The following CCDC69 variants were observed in gnomAD, a reference collection of about 807,000 sequenced individuals.
CCDC69 encodes the protein coiled-coil domain containing 69.
A neutral mutation model predicts 40.3 loss-of-function variants in CCDC69; 38 were observed. The ratio of observed to expected loss-of-function variants is 0.94; its 90% CI spans 0.73 to 1.24. The LOEUF (loss-of-function observed/expected upper bound fraction) is 1.24, where lower values mean the gene tolerates loss of function less well. Among genes scored for constraint, CCDC69 ranks in the 50% most tolerant of loss-of-function variants. CCDC69 has a pLI of 0.00. For missense variants in CCDC69, 389 were observed against 357.9 expected, an observed-to-expected ratio of 1.09 and a Z score of -0.70; for synonymous variants, 141 against 138.9, an observed-to-expected ratio of 1.02 and a Z score of -0.11.
At chr5:151,211,292 A>G (rs1311989630) in intron 1 of CCDC69, 1 of 152,278 alleles carries the variant, frequency 6.6e-6, no homozygotes. Flanking sequence ...GAGTATCTAC[A>G]TCTGGTTAGC....
Position 151,224,075 on chromosome 5 carries a change from C to G in CCDC69, c.-105G>C, listed in dbSNP as rs61739650. ...CTCCGCGCCCGCCGGCTGGGGCTGC[C>G]GGCGAGACCCTGAAACTGAACCTGG... On this transcript the variant is annotated 5_prime_UTR_variant, in exon 1 of 9. Transcript: ENST00000355417. The G allele has an allele frequency of 1.2e-5, 12 of 1,016,322 alleles. No individual in the cohort carries two copies. Among genetic ancestry groups the G allele is most frequent in the East Asian group, 3.1e-5 (1 of 32,076 alleles). The allele number at this position is 1,016,322 out of a possible 1,614,324, so 63.0% of individuals were successfully genotyped here. A position where few individuals can be genotyped will look rare whatever the true frequency, so the allele number is the denominator to read the frequency against.
chr5:151,198,831 A>C (rs1294736377), intron 4 of CCDC69, 166 bp downstream of exon 4: 4 of 559,228 alleles, frequency 7.2e-6, no homozygotes, highest in Non-Finnish European at 1.3e-5. Context: ...CCCAAAGGAA[A>C]AGTCCATCAA....
intron 1 of CCDC69, among the ~76,000 whole-genome samples, chr5:151,211,838 T>C (rs1428007893): frequency 1.3e-5 from 2 of 152,194 alleles, no homozygotes; most frequent in South Asian, 2.1e-4. Context: ...TCTCCATCTT[T>C]AGCAGTCTAG....
At position 151,182,223 on chromosome 5, in the gene CCDC69, T is replaced by G. The variant is rs1258805585; in HGVS notation, c.*1214A>C. The G allele has an allele frequency of 6.6e-6, 1 of 152,222 alleles. No homozygotes were observed. Among genetic ancestry groups the G allele is most frequent in the African/African-American group, 2.4e-5 (1 of 41,442 alleles). 9.4% of individuals were successfully genotyped at this position (152,222 alleles called of 1,614,324 possible). Reference sequence around the variant, plus strand: ...TATGGAAAGCCTTTGATGCAAATGCTCTATGCAGAACAGGAGTTATAATTA... The same window carrying G: ...TATGGAAAGCCTTTGATGCAAATGCGCTATGCAGAACAGGAGTTATAATTA... On this transcript the variant is annotated 3_prime_UTR_variant, in exon 9 of 9. Transcript: ENST00000355417.
At chr5:151,197,138 G>T (rs1251954131) in intron 4 of CCDC69, among the ~76,000 whole-genome samples, 1 of 152,222 alleles carries the variant, frequency 6.6e-6, no homozygotes, top group African/African-American at 2.4e-5. Flanking sequence ...GATCATGTGG[G>T]TTATACAATC....
At chr5:151,187,495 C>G in intron 4 of CCDC69, 36 bp from the exon 5 acceptor site, 1 of 1,553,232 alleles carries the variant, frequency 6.4e-7, no homozygotes, top group Non-Finnish European at 8.8e-7. Context: ...GCTCAAGACA[C>G]TTCTCCCCAA....
chr5:151,194,799 A>G (rs1752671567), intron 4 of CCDC69, among the ~76,000 whole-genome samples: 1 of 151,578 alleles, frequency 6.6e-6, no homozygotes, highest in African/African-American at 2.4e-5. Context: ...AGGCTCAGGC[A>G]AAGAATTGCT....
At chr5:151,196,845 C>G (rs533254680) in intron 4 of CCDC69, among the ~76,000 whole-genome samples, 2 of 152,174 alleles carry the variant, frequency 1.3e-5, no homozygotes, top group South Asian at 2.1e-4. Flanking sequence ...ACAGAATGAT[C>G]GTATGACCCA....
chr5:151,220,840 G>C (rs1451833947), intron 1 of CCDC69, among the ~76,000 whole-genome samples: 9 of 151,916 alleles, frequency 5.9e-5, no homozygotes, highest in African/African-American at 2.2e-4. Flanking sequence ...CTGGTAACCT[G>C]TTGGGGATAG....
intron 1 of CCDC69, among the ~76,000 whole-genome samples, chr5:151,219,054 G>C (rs1230619699): frequency 6.6e-6 from 1 of 152,226 alleles, no homozygotes; most frequent in East Asian, 1.9e-4. Flanking sequence ...TAGCTAGGAA[G>C]ATTGGTGGGC....
intron 5 of CCDC69, 123 bp downstream of exon 5, chr5:151,187,263 T>A: frequency 1.3e-6 from 1 of 747,684 alleles, no homozygotes; most frequent in Non-Finnish European, 2.3e-6. Flanking sequence ...CAGAAGGCAA[T>A]CACCTCAGCC....
chr5:151,186,694 G>T (rs1322052948), intron 5 of CCDC69, among the ~76,000 whole-genome samples: 1 of 152,070 alleles, frequency 6.6e-6, no homozygotes, highest in Admixed American at 6.6e-5. Context: ...TCCCCCAGCT[G>T]CAGGGTACAT....
At chr5:151,188,138 G>C (rs746088257) in intron 4 of CCDC69, among the ~76,000 whole-genome samples, 3 of 152,190 alleles carry the variant, frequency 2.0e-5, no homozygotes, top group Non-Finnish European at 2.9e-5. Context: ...CAATACAGTT[G>C]TATGTATCAT....
At chr5:151,203,625 T>C (rs1752807607) in intron 2 of CCDC69, among the ~76,000 whole-genome samples, 1 of 142,628 alleles carries the variant, frequency 7.0e-6, no homozygotes, top group South Asian at 2.1e-4. Context: ...TTTAGTTATA[T>C]ATATGTACTA....
chr5:151,210,419 C>G (rs1752929414), intron 1 of CCDC69, among the ~76,000 whole-genome samples: 1 of 152,034 alleles, frequency 6.6e-6, no homozygotes, highest in South Asian at 2.1e-4. Context: ...TGGCATGCGC[C>G]TCTAACCCCA....
In CCDC69 at chr5:151,185,539, A is replaced by T. The variant is rs765727474; in HGVS notation, c.498T>A (p.Asp166Glu). The T allele has an allele frequency of 1.9e-6, 3 of 1,613,794 alleles. No homozygotes were observed. Among genetic ancestry groups the T allele is most frequent in the South Asian group, 2.2e-5 (2 of 91,074 alleles). Residue 166 changes from aspartate (D) to glutamate (E), a missense_variant and splice_region_variant, in exon 7 of 9, where the codon GAT becomes GAA. By Grantham distance (45) the Asp-to-Glu change is conservative. Transcript: ENST00000355417. ...LSRNYKKHIQ[D>E]YGSPSQFWEQ... ...CCCAGAACTGGCTGGGGCTCCCATAATCCTAGACAGGGACAGAGTGACCTC... is the reference window on the plus strand; with the variant it reads ...CCCAGAACTGGCTGGGGCTCCCATATTCCTAGACAGGGACAGAGTGACCTC...
intron 7 of CCDC69, chr5:151,184,804 G>A (rs248432): frequency 3.6e-4 from 65 of 178,926 alleles, no homozygotes; most frequent in African/African-American, 1.4e-3. Context: ...AAATCTATAC[G>A]GAATGTTTGA....
chr5:151,185,965 C>T (rs761942421), intron 6 of CCDC69, 58 bp downstream of exon 6: 31 of 1,201,038 alleles, frequency 2.6e-5, no homozygotes, highest in South Asian at 3.6e-5. Flanking sequence ...TCCTGTTGCC[C>T]GGCCCTGACC....
Position 151,184,338 on chromosome 5 carries a change from AG to A in CCDC69, c.713+5del. 1 of 1,610,416 alleles carries A rather than the reference AG, an allele frequency of 6.2e-7. No homozygotes were observed. Among genetic ancestry groups the A allele is most frequent in the Middle Eastern group, 1.8e-4 (1 of 5,654 alleles). ...ATGGGAGTAAAGGAGGCAGGAAGAC[AG>A]CTACCTTGACAGGACCACCTGGTTG... On this transcript the variant is annotated splice_donor_5th_base_variant and intron_variant, in intron 8 of 8. Transcript: ENST00000355417.
Sources: gnomAD v4.1 joint callset for allele counts (sites outside exome capture counted in the v4.1 genomes callset) on GRCh38, gnomAD v4.1.1 for gene constraint, MANE v1.5 for transcripts, NCBI Gene and HGNC (gene_info 2026-07-23, HGNC 2026-07-21) for gene names.